The following RPS6KA5 variants were observed in gnomAD, a reference collection of about 807,000 sequenced individuals.
The protein encoded by RPS6KA5 is ribosomal protein S6 kinase A5.
RPS6KA5 carries 27 observed loss-of-function variants against 85.5 expected under a neutral mutation model. The ratio of observed to expected loss-of-function variants is 0.32; its 90% CI spans 0.23 to 0.44. RPS6KA5 has a LOEUF of 0.44. Among genes scored for constraint, RPS6KA5 ranks in the 20% least tolerant of loss-of-function variants. RPS6KA5 has a pLI of 1.00. For synonymous variants in RPS6KA5, 334 were observed against 348.2 expected, an observed-to-expected ratio of 0.96 and a Z score of 0.46; for missense variants, 811 against 980.9, an observed-to-expected ratio of 0.83 and a Z score of 2.31.
intron 7 of RPS6KA5, among the ~76,000 whole-genome samples, chr14:90,910,193 C>T (rs1447880237): frequency 1.3e-5 from 2 of 152,182 alleles, no homozygotes; most frequent in East Asian, 3.8e-4. Context: ...CCTTATATTA[C>T]AACCCAAATG....
In RPS6KA5 at chr14:90,858,879, A is replaced by G. The variant is rs546683235; in HGVS notation, c.*13195T>C. ...GAGCTTGGGAAAGTAGCTAGGACTT[A>G]AGGGGCAAAATCCCAGAGCGAAGAA... On this transcript the variant is annotated 3_prime_UTR_variant, in exon 17 of 17. Transcript: ENST00000614987. 1.3e-5 allele frequency: 2 copies of G among 152,332 alleles called. No homozygotes were observed. Among genetic ancestry groups the G allele is most frequent in the African/African-American group, 4.8e-5 (2 of 41,562 alleles). The allele number at this position is 152,332 out of a possible 1,614,324, so 9.4% of individuals were successfully genotyped here.
intron 1 of RPS6KA5, among the ~76,000 whole-genome samples, chr14:91,034,073 G>A (rs1440199886): frequency 6.6e-6 from 1 of 152,074 alleles, no homozygotes; most frequent in Non-Finnish European, 1.5e-5. Context: ...TTGAGAGGCT[G>A]AGGCAGGCAA....
In RPS6KA5 at chr14:91,010,811, G is replaced by A. The variant is rs565050229; in HGVS notation, c.104-9652C>T. On this transcript the variant is annotated intron_variant, in intron 1 of 16. Transcript: ENST00000614987. ...GAAAGGCTAGAAAAAGTAGAGATGGGAGGGTGGTTCCTAAGGGAGCAGGTT... is the reference window on the plus strand; with the variant it reads ...GAAAGGCTAGAAAAAGTAGAGATGGAAGGGTGGTTCCTAAGGGAGCAGGTT... 1.9e-3 allele frequency among the ~76,000 whole-genome samples: 295 copies of A among 152,314 alleles called. 3 individuals carry two copies. The highest frequency in any genetic ancestry group is 3.3e-3 in the Non-Finnish European group (227 of 68,030).
At chr14:90,872,598 C>T (rs1349442569) in intron 16 of RPS6KA5, among the ~76,000 whole-genome samples, 2 of 152,124 alleles carry the variant, frequency 1.3e-5, no homozygotes, top group Non-Finnish European at 2.9e-5. Flanking sequence ...GTACTACATC[C>T]TAATACGAAA....
In RPS6KA5 at chr14:90,978,474, T is replaced by C; in HGVS notation, c.226A>G (p.Lys76Glu). The C allele has an allele frequency of 6.2e-7, 1 of 1,612,766 alleles. No individual in the cohort carries two copies. Among genetic ancestry groups the C allele is most frequent in the Non-Finnish European group, 8.5e-7 (1 of 1,179,468 alleles). Reference sequence around the variant, plus strand: ...TTCAAAACTTTCATGGCATACAGCTTTCCAGTATCATGGCCACTTATTTTA... The same window carrying C: ...TTCAAAACTTTCATGGCATACAGCTCTCCAGTATCATGGCCACTTATTTTA... ...VRKISGHDTG[K>E]LYAMKVLKKA... Residue 76 changes from lysine (K) to glutamate (E), a missense_variant, in exon 3 of 17, where the codon AAG (lysine) becomes GAG (glutamate). Physicochemically the swap from Lys to Glu is moderately conservative, Grantham distance 56. Around this residue, in one of 3 missense-constraint regions of RPS6KA5, gnomAD observed 113 missense variants for 100.0 expected, o/e 1.13. Transcript: ENST00000614987.
chr14:90,944,308 C>A (rs2037751136), intron 4 of RPS6KA5, among the ~76,000 whole-genome samples: 1 of 152,046 alleles, frequency 6.6e-6, no homozygotes, highest in African/African-American at 2.4e-5. Context: ...AAATGGAAAT[C>A]AAAATTGCAT....
intron 5 of RPS6KA5, among the ~76,000 whole-genome samples, chr14:90,940,771 T>C (rs780002448): frequency 1.3e-5 from 2 of 152,174 alleles, no homozygotes; most frequent in Non-Finnish European, 2.9e-5. Flanking sequence ...CAGACAAGCA[T>C]TGCCACCTGA....
intron 3 of RPS6KA5, among the ~76,000 whole-genome samples, chr14:90,971,872 T>C (rs1430631987): frequency 6.6e-6 from 1 of 152,150 alleles, no homozygotes; most frequent in Non-Finnish European, 1.5e-5. Flanking sequence ...AACAACATGG[T>C]TCAGGGCAGG....
chr14:91,026,770 T>G (rs11849825), intron 1 of RPS6KA5, among the ~76,000 whole-genome samples: 23,508 of 152,194 alleles, frequency 0.15, 1,939 homozygotes, highest in East Asian at 0.31. Flanking sequence ...TTCCCTTTTC[T>G]GTACAGCCTC....
At chr14:90,900,930 T>C (rs1238394737) in intron 9 of RPS6KA5, among the ~76,000 whole-genome samples, 194 bp from the exon 10 acceptor site, 3 of 152,174 alleles carry the variant, frequency 2.0e-5, no homozygotes, top group Non-Finnish European at 4.4e-5. Flanking sequence ...CAGAAGGATA[T>C]AATGCCATCT....
chr14:90,896,100 C>T (rs766808172), intron 12 of RPS6KA5, among the ~76,000 whole-genome samples: 2 of 152,184 alleles, frequency 1.3e-5, no homozygotes, highest in South Asian at 2.1e-4. Context: ...AAGCATTAGA[C>T]AAATTGCAGA....
Position 91,023,172 on chromosome 14 carries a change from AT to A in RPS6KA5, c.104-22014del, listed in dbSNP as rs1009615858. ...TAGTCTCAGCTCTACAAATAAGTAT[AT>A]TAAGTGCTCACCATCAGGTTGTTTT... On this transcript the variant is annotated intron_variant, in intron 1 of 16. Transcript: ENST00000614987. Among the ~76,000 whole-genome samples the A allele has an allele frequency of 6.8e-4, 102 of 150,654 alleles. 1 individual carries two copies. The highest frequency in any genetic ancestry group is 2.4e-3 in the African/African-American group (98 of 41,084).
chr14:90,913,523 A>G (rs1218515372), intron 7 of RPS6KA5, among the ~76,000 whole-genome samples: 1 of 152,178 alleles, frequency 6.6e-6, no homozygotes, highest in Non-Finnish European at 1.5e-5. Context: ...GGAGGTCCTC[A>G]CCGCTCTTGT....
rs943818517 is a variant in RPS6KA5 at position 90,870,959 on chromosome 14, A to G, written c.*1115T>C. 1 of 152,542 alleles carries G rather than the reference A, an allele frequency of 6.6e-6. No individual in the cohort carries two copies. The highest frequency in any genetic ancestry group is 2.4e-5 in the African/African-American group (1 of 41,420). 9.4% of individuals were successfully genotyped at this position (152,542 alleles called of 1,614,324 possible). A position where few individuals can be genotyped will look rare whatever the true frequency, so the allele number is the denominator to read the frequency against. On this transcript the variant is annotated 3_prime_UTR_variant, in exon 17 of 17. Transcript: ENST00000614987. ...AAAAGTGCTCTGCATAAGTTTATAA[A>G]ATATGCTTTCTGGATTTAAAATTTA... is the stretch of plus-strand genomic sequence containing the variant.
At chr14:90,934,774 C>T (rs1033619618) in intron 5 of RPS6KA5, among the ~76,000 whole-genome samples, 1 of 152,096 alleles carries the variant, frequency 6.6e-6, no homozygotes, top group Non-Finnish European at 1.5e-5. Context: ...ATTTACCCCC[C>T]AACCTTTGGA....
intron 3 of RPS6KA5, among the ~76,000 whole-genome samples, chr14:90,951,805 T>C (rs1056831880): frequency 5.3e-5 from 8 of 152,198 alleles, no homozygotes; most frequent in South Asian, 2.1e-4. Context: ...TTGTATGATA[T>C]TCCCCATTCT....
chr14:90,967,937 G>A, intron 3 of RPS6KA5, among the ~76,000 whole-genome samples: 1 of 152,094 alleles, frequency 6.6e-6, no homozygotes, highest in East Asian at 1.9e-4. Flanking sequence ...TTAAAGCGTG[G>A]TCTACATGGC....
chr14:90,943,472 T>G (rs1212575772), intron 4 of RPS6KA5, among the ~76,000 whole-genome samples: 1 of 152,158 alleles, frequency 6.6e-6, no homozygotes, highest in East Asian at 1.9e-4. Flanking sequence ...CATGTCTCTA[T>G]TCTTCCTAGT....
rs2038254314 is a variant in RPS6KA5 at position 90,952,529 on chromosome 14, A to G, written c.395-4979T>C. Among the ~76,000 whole-genome samples, 4 of 152,260 alleles carry G rather than the reference A, an allele frequency of 2.6e-5. No homozygotes were observed. In the South Asian group the frequency reaches 8.3e-4, roughly 32 times the overall value. Reference sequence around the variant, plus strand: ...TGCCAGAATGGCATTACATCAATCTATTCAAACAGCTCATTTTGTTAATGA... The same window carrying G: ...TGCCAGAATGGCATTACATCAATCTGTTCAAACAGCTCATTTTGTTAATGA... On this transcript the variant is annotated intron_variant, in intron 3 of 16. Transcript: ENST00000614987.
Sources: allele counts gnomAD v4.1 joint callset (sites outside exome capture counted in the v4.1 genomes callset), GRCh38; gene constraint gnomAD v4.1.1; regional missense constraint gnomAD v4.1.1; transcripts MANE v1.5; gene names NCBI Gene and HGNC (gene_info 2026-07-23, HGNC 2026-07-21).